DCDC2C: variants seen among roughly 807,000 people sequenced by gnomAD.
DCDC2C encodes the protein doublecortin domain containing 2C, also known as doublecortin domain-containing protein 2C.
A neutral mutation model predicts 45.0 loss-of-function variants in DCDC2C; 44 were observed. The ratio of observed to expected loss-of-function variants is 0.98; its 90% CI spans 0.77 to 1.26. The LOEUF (loss-of-function observed/expected upper bound fraction) is 1.26. DCDC2C is among the 50% of genes most tolerant of loss of function. The pLI is 0.00. For synonymous variants in DCDC2C, 187 were observed against 178.8 expected (o/e 1.05, Z -0.37); for missense variants, 447 against 468.9 (o/e 0.95, Z 0.43).
chr2:3,772,069 A>G (rs1011024810), intron 8 of DCDC2C, among the ~76,000 whole-genome samples: 1 of 152,208 alleles, frequency 6.6e-6, no homozygotes, highest in Non-Finnish European at 1.5e-5. Flanking sequence ...CACTTTCTCC[A>G]GTGTAGTGGC....
intron 3 of DCDC2C, among the ~76,000 whole-genome samples, chr2:3,737,396 C>T (rs577716256): frequency 5.1e-4 from 77 of 151,006 alleles, no homozygotes; most frequent in African/African-American, 1.6e-3. Context: ...GTTCATGGCC[C>T]GTTTACTACC....
intron 10 of DCDC2C, among the ~76,000 whole-genome samples, chr2:3,834,206 C>T (rs1267499811): frequency 6.6e-6 from 1 of 151,934 alleles, no homozygotes; most frequent in Non-Finnish European, 1.5e-5. Context: ...TCATCATCAC[C>T]CGAGTCCACA....
intron 10 of DCDC2C, among the ~76,000 whole-genome samples, chr2:3,799,042 G>T (rs1233591081): frequency 2.6e-5 from 4 of 152,064 alleles, no homozygotes; most frequent in Admixed American, 6.6e-5. Flanking sequence ...TCACATAGTC[G>T]CATATTTCTT....
At chr2:3,805,406 C>T (rs1671213621) in intron 10 of DCDC2C, among the ~76,000 whole-genome samples, 1 of 152,208 alleles carries the variant, frequency 6.6e-6, no homozygotes. Context: ...TTCATTCTCT[C>T]ATTGCCATAC....
chr2:3,820,288 G>A (rs979136035), intron 10 of DCDC2C, among the ~76,000 whole-genome samples: 5 of 152,106 alleles, frequency 3.3e-5, no homozygotes, highest in South Asian at 2.1e-4. Flanking sequence ...AAAATAAGAC[G>A]CTTAAGTTTT....
intron 2 of DCDC2C, among the ~76,000 whole-genome samples, chr2:3,720,324 A>G (rs1035701756): frequency 6.6e-6 from 1 of 152,256 alleles, no homozygotes; most frequent in Non-Finnish European, 1.5e-5. Flanking sequence ...GGAACAGTCC[A>G]GCATGGAGTC....
At chr2:3,834,098 C>G (rs538371672) in intron 10 of DCDC2C, among the ~76,000 whole-genome samples, 130 of 151,492 alleles carry the variant, frequency 8.6e-4, no homozygotes, top group Non-Finnish European at 1.5e-3. Flanking sequence ...TCCTGCCCCC[C>G]CTACCTCCAT....
At chr2:3,785,594 C>G (rs1442084518) in intron 10 of DCDC2C, among the ~76,000 whole-genome samples, 1 of 152,058 alleles carries the variant, frequency 6.6e-6, no homozygotes, top group African/African-American at 2.4e-5. Flanking sequence ...GTAGCTGGGC[C>G]GGGAACCACA....
At chr2:3,752,436 C>T (rs1309969830) in intron 4 of DCDC2C, 8 of 332,858 alleles carry the variant, frequency 2.4e-5, no homozygotes, top group African/African-American at 1.3e-4. Context: ...CAATGTGGGC[C>T]AATTTGTATT....
intron 6 of DCDC2C, among the ~76,000 whole-genome samples, chr2:3,763,685 T>C (rs143869293): frequency 6.6e-6 from 1 of 152,356 alleles, no homozygotes; most frequent in Non-Finnish European, 1.5e-5. Context: ...CCATTTTCTC[T>C]GTAAAGCCAT....
chr2:3,819,846 T>C (rs566663797), intron 10 of DCDC2C, among the ~76,000 whole-genome samples: 37 of 152,254 alleles, frequency 2.4e-4, no homozygotes, highest in Non-Finnish European at 4.9e-4. Context: ...GGAGGGCTAG[T>C]CACGGGACGA....
chr2:3,802,795 C>T (rs17018079), intron 10 of DCDC2C, among the ~76,000 whole-genome samples: 19,904 of 152,072 alleles, frequency 0.13, 1,451 homozygotes, highest in East Asian at 0.28. Flanking sequence ...CCTAAATGAC[C>T]CATCTCCATT....
At chr2:3,748,760 A>G (rs1213235378) in intron 4 of DCDC2C, among the ~76,000 whole-genome samples, 3 of 152,136 alleles carry the variant, frequency 2.0e-5, no homozygotes, top group Non-Finnish European at 4.4e-5. Flanking sequence ...TAGCCCATCA[A>G]CCTTGGACTA....
chr2:3,794,513 C>T (rs1270803424), intron 10 of DCDC2C, among the ~76,000 whole-genome samples: 5 of 152,258 alleles, frequency 3.3e-5, no homozygotes, highest in Middle Eastern at 3.4e-3. Context: ...TATCCCTCCC[C>T]GCTCCCCCCA....
rs13393747 is a variant in DCDC2C, at chr2:3,797,376, C to G, written c.1065+12276C>G. Among the ~76,000 whole-genome samples, 715 of 151,884 alleles carry G rather than the reference C, an allele frequency of 4.7e-3. 1 individual carries two copies. Among genetic ancestry groups the G allele is most frequent in the African/African-American group, 0.016 (683 of 41,402 alleles). On this transcript the variant is annotated intron_variant, in intron 10 of 10. Coordinates refer to ENST00000399143, the MANE Select transcript of DCDC2C (RefSeq NM_001287444.2). ...TTTTGTGTCTCTATTTCCTTCAGTTCTGCTCTGATTTTAGTTATTTCTTGC... is the reference window on the plus strand; with the variant it reads ...TTTTGTGTCTCTATTTCCTTCAGTTGTGCTCTGATTTTAGTTATTTCTTGC...
chr2:3,710,356 C>A (rs1301806181), intron 2 of DCDC2C, among the ~76,000 whole-genome samples: 1 of 152,154 alleles, frequency 6.6e-6, no homozygotes, highest in African/African-American at 2.4e-5. Context: ...TCTCCCTCCC[C>A]TCATTCCTCC....
At chr2:3,755,391 A>T (rs959569902) in intron 6 of DCDC2C, among the ~76,000 whole-genome samples, 1 of 150,304 alleles carries the variant, frequency 6.7e-6, no homozygotes, top group Admixed American at 6.6e-5. Context: ...GTATGTATGA[A>T]TGCACATATG....
intron 6 of DCDC2C, among the ~76,000 whole-genome samples, chr2:3,767,046 G>A (rs1337526809): frequency 6.6e-6 from 1 of 152,238 alleles, no homozygotes; most frequent in Non-Finnish European, 1.5e-5. Flanking sequence ...CCAGGCCAAC[G>A]TAAGTGTTGC....
intron 6 of DCDC2C, among the ~76,000 whole-genome samples, chr2:3,755,327 G>A (rs967266128): frequency 6.7e-6 from 1 of 148,320 alleles, no homozygotes; most frequent in African/African-American, 2.4e-5. Context: ...TTGCATACGT[G>A]CACATGCATG....
Sources: gnomAD v4.1 joint callset for allele counts (sites outside exome capture counted in the v4.1 genomes callset) on GRCh38, gnomAD v4.1.1 for gene constraint, MANE v1.5 for transcripts, NCBI Gene and HGNC (gene_info 2026-07-23, HGNC 2026-07-21) for gene names.